Variants in ZFHX3 observed in about 807,000 individuals in gnomAD.
ZFHX3 encodes the protein zinc finger homeobox protein 3.
In ZFHX3, 42 loss-of-function variants were observed where a neutral mutation model predicts 279.1. The ratio of observed to expected loss-of-function variants is 0.15; its 90% confidence interval spans 0.12 to 0.19. The LOEUF is 0.19. ZFHX3 is among the 10% of genes least tolerant of loss of function. ZFHX3 has a pLI of 1.00. For synonymous variants in ZFHX3, 2,293 were observed against 1,957.8 expected (o/e 1.17, Z -4.52); for missense variants, 4,981 against 4,754.0 (o/e 1.05, Z -1.40).
chr16:73,762,750 C>G (rs1245049254), intron 1 of ZFHX3, among the ~76,000 whole-genome samples: 2 of 152,206 alleles, frequency 1.3e-5, no homozygotes, highest in Non-Finnish European at 2.9e-5. Context: ...ACCACATGTT[C>G]TCACTTATAA....
At chr16:73,675,717 A>T (rs2142189594) in intron 2 of ZFHX3, among the ~76,000 whole-genome samples, 1 of 152,274 alleles carries the variant, frequency 6.6e-6, no homozygotes, top group South Asian at 2.1e-4. Flanking sequence ...AATGACCATT[A>T]TCAAGGCAAA....
chr16:73,687,846 CAAAAAAAAAA>C (rs535371406), intron 1 of ZFHX3, among the ~76,000 whole-genome samples: 7 of 63,930 alleles, frequency 1.1e-4, no homozygotes, highest in African/African-American at 3.8e-4. Context: ...GACTCTGTCT[CAAAAAAAAAA>C]AAAAAAAAAA....
At chr16:73,452,254 G>A (rs749163994) in intron 3 of ZFHX3, among the ~76,000 whole-genome samples, 5 of 152,142 alleles carry the variant, frequency 3.3e-5, no homozygotes, top group Non-Finnish European at 5.9e-5. Context: ...TTCATGCTGT[G>A]AACTCTAAGC....
chr16:73,108,837 T>A (rs956858952), intron 7 of ZFHX3, among the ~76,000 whole-genome samples: 1 of 152,234 alleles, frequency 6.6e-6, no homozygotes, highest in Non-Finnish European at 1.5e-5. Context: ...ACTCCCTTCA[T>A]TGGAACTCAG....
intron 1 of ZFHX3, among the ~76,000 whole-genome samples, chr16:73,750,851 C>A (rs2053756230): frequency 6.6e-6 from 1 of 152,016 alleles, no homozygotes; most frequent in South Asian, 2.1e-4. Flanking sequence ...AAAAACAAAT[C>A]AAAGGGAGTG....
intron 5 of ZFHX3, among the ~76,000 whole-genome samples, chr16:73,191,521 C>T (rs1248719914): frequency 3.9e-5 from 6 of 152,102 alleles, no homozygotes; most frequent in Non-Finnish European, 8.8e-5. Context: ...TTTGACGTAA[C>T]GCTTGCAGAT....
Position 73,769,138 on chromosome 16 carries a change from G to C in ZFHX3, c.-1607-88898C>G, listed in dbSNP as rs147589943. ...GACCCTGACCTTGGACAAGGTTCTT[G>C]GCTAACATTTCCACTTGGTAGACTG... On this transcript the variant is annotated intron_variant, in intron 1 of 17. Coordinates refer to the ZFHX3 transcript ENST00000641206. Among the ~76,000 whole-genome samples the C allele has an allele frequency of 9.9e-5, 15 of 152,236 alleles. No homozygotes were observed. In the East Asian group the frequency reaches 2.9e-3, roughly 30 times the overall value.
At chr16:73,742,061 C>A (rs2053662602) in intron 1 of ZFHX3, among the ~76,000 whole-genome samples, 1 of 152,204 alleles carries the variant, frequency 6.6e-6, no homozygotes, top group Admixed American at 6.5e-5. Context: ...TGCATATCAT[C>A]AATACAGTGG....
intron 2 of ZFHX3, among the ~76,000 whole-genome samples, chr16:73,595,226 G>A (rs909198019): frequency 1.3e-5 from 2 of 151,952 alleles, no homozygotes; most frequent in Non-Finnish European, 2.9e-5. Flanking sequence ...CTGCTTACCC[G>A]ACTGTCCATC....
At chr16:72,930,006 T>C (rs1360072983) in intron 3 of ZFHX3, among the ~76,000 whole-genome samples, 1 of 152,020 alleles carries the variant, frequency 6.6e-6, no homozygotes, top group African/African-American at 2.4e-5. Flanking sequence ...TCACTGGAGG[T>C]CAGGAGTTCA....
chr16:73,346,992 A>G (rs2016135806), intron 3 of ZFHX3, among the ~76,000 whole-genome samples: 1 of 152,350 alleles, frequency 6.6e-6, no homozygotes, highest in South Asian at 2.1e-4. Flanking sequence ...TTCCTGTGTT[A>G]CAAGGGGAGG....
chr16:73,105,434 C>CCCACACATATATATATATAT lies in ZFHX3; in HGVS notation c.-896-11837_-896-11836insATATATATATATATGTGTGG, dbSNP rs1966290001. On this transcript the variant is annotated intron_variant, in intron 7 of 17. Coordinates refer to the ZFHX3 transcript ENST00000641206. ...ACACACACACATATATATATATATA[C>CCCACACATATATATATATAT]ACACACACACATATATATATATATT... Among the ~76,000 whole-genome samples, 3 of 41,540 alleles carry CCCACACATATATATATATAT rather than the reference C, an allele frequency of 7.2e-5. No homozygotes were observed. The South Asian group carries it at 5.3e-3, about 74-fold the overall frequency. The allele number at this position is 41,540 out of a possible 152,430, so 27.3% of individuals were successfully genotyped here.
intron 2 of ZFHX3, among the ~76,000 whole-genome samples, chr16:73,535,125 G>T (rs780523709): frequency 6.6e-6 from 1 of 152,090 alleles, no homozygotes; most frequent in East Asian, 1.9e-4. Context: ...TCAACTTTCC[G>T]ACACTATGTC....
At chr16:73,818,470 A>C (rs1257996612) in intron 1 of ZFHX3, among the ~76,000 whole-genome samples, 1 of 152,176 alleles carries the variant, frequency 6.6e-6, no homozygotes, top group Non-Finnish European at 1.5e-5. Context: ...TCATCAACGC[A>C]GCATCATTAT....
intron 1 of ZFHX3, among the ~76,000 whole-genome samples, chr16:73,716,296 G>C (rs1379272559): frequency 6.6e-6 from 1 of 152,036 alleles, no homozygotes; most frequent in Non-Finnish European, 1.5e-5. Flanking sequence ...TGAGAGATTT[G>C]GAACGTAAAG....
At chr16:73,090,440 TC>T (rs1489916818) in intron 8 of ZFHX3, among the ~76,000 whole-genome samples, 1 of 152,236 alleles carries the variant, frequency 6.6e-6, no homozygotes, top group Non-Finnish European at 1.5e-5. Flanking sequence ...TACTTGGTTA[TC>T]TTTTTCATAA....
chr16:73,065,874 C>T (rs540915131), intron 8 of ZFHX3, among the ~76,000 whole-genome samples: 2 of 152,306 alleles, frequency 1.3e-5, no homozygotes, highest in South Asian at 4.1e-4. Flanking sequence ...AAAAAATTTC[C>T]GATTCGTTGG....
At chr16:73,766,437 A>T (rs768714101) in intron 1 of ZFHX3, among the ~76,000 whole-genome samples, 1 of 152,120 alleles carries the variant, frequency 6.6e-6, no homozygotes, top group Non-Finnish European at 1.5e-5. Context: ...AAACTTCTCC[A>T]TCCAAGAATA....
intron 3 of ZFHX3, among the ~76,000 whole-genome samples, chr16:73,327,833 T>A (rs976870275): frequency 6.6e-6 from 1 of 152,194 alleles, no homozygotes; most frequent in Non-Finnish European, 1.5e-5. Context: ...TTTGTTTCTG[T>A]CATTTGCCCC....
Sources: allele counts gnomAD v4.1 joint callset (sites outside exome capture counted in the v4.1 genomes callset), GRCh38; gene constraint gnomAD v4.1.1; transcripts MANE v1.5; gene names NCBI Gene and HGNC (gene_info 2026-07-23, HGNC 2026-07-21).